The following DOCK9 variants were observed in gnomAD, a reference collection of about 807,000 sequenced individuals.
The protein encoded by DOCK9 is dedicator of cytokinesis 9, also known as dedicator of cytokinesis protein 9.
A neutral mutation model predicts 263.3 loss-of-function variants in DOCK9; 89 were observed. The ratio of observed to expected loss-of-function variants is 0.34; its 90% CI spans 0.28 to 0.40. The LOEUF (loss-of-function observed/expected upper bound fraction) is 0.40. Among genes scored for constraint, DOCK9 ranks in the 10% least tolerant of loss-of-function variants. The pLI is 1.00. For synonymous variants in DOCK9, 976 were observed against 973.1 expected (o/e 1.00, Z -0.06); for missense variants, 2,140 against 2,603.4 (o/e 0.82, Z 3.87).
intron 1 of DOCK9, among the ~76,000 whole-genome samples, chr13:99,050,194 T>C (rs1026827870): frequency 2.6e-5 from 4 of 152,174 alleles, no homozygotes; most frequent in African/African-American, 4.8e-5. Context: ...AGTTTATCTA[T>C]GTCACAGAGC....
intron 1 of DOCK9, among the ~76,000 whole-genome samples, chr13:99,028,830 A>G (rs1226193524): frequency 1.3e-5 from 2 of 152,208 alleles, no homozygotes; most frequent in East Asian, 3.8e-4. Context: ...CTGTTAGACG[A>G]AAAGAAAGTA....
At chr13:98,959,902 C>G (rs780350651) in intron 1 of DOCK9, among the ~76,000 whole-genome samples, 1 of 152,200 alleles carries the variant, frequency 6.6e-6, no homozygotes, top group Non-Finnish European at 1.5e-5. Context: ...TCACTGGTGA[C>G]AGCTGTTCAC....
chr13:98,796,163 T>C, intron 52 of DOCK9: 2 of 1,485,864 alleles, frequency 1.3e-6, no homozygotes, highest in South Asian at 2.4e-5. Context: ...TAGCTTTTTC[T>C]AAGTCAGATT....
intron 15 of DOCK9, among the ~76,000 whole-genome samples, chr13:98,895,881 G>A (rs1359496947): frequency 2.0e-5 from 3 of 152,074 alleles, no homozygotes; most frequent in African/African-American, 7.2e-5. Context: ...GGATCCAGGG[G>A]CACTCCCTGG....
At position 98,880,754 on chromosome 13, in the gene DOCK9, A is replaced by C. The variant is rs1411599089; in HGVS notation, c.2746-82T>G. On this transcript the variant is annotated intron_variant, in intron 25 of 52. Transcript: ENST00000682017. ...GCTTGAGAGACTCCCAAGAATGGAG[A>C]TCAGGGACTGAGCTACAATATCATT... 5.9e-6 allele frequency: 9 copies of C among 1,522,676 alleles called. No individual in the cohort carries two copies. In the Admixed American group the frequency reaches 1.3e-4, roughly 23 times the overall value. 94.3% of individuals were successfully genotyped at this position (1,522,676 alleles called of 1,614,324 possible).
At chr13:98,930,309 C>T in intron 2 of DOCK9, 52 bp from the exon 3 acceptor site, 1 of 1,503,318 alleles carries the variant, frequency 6.7e-7, no homozygotes, top group Non-Finnish European at 9.1e-7. Context: ...GAGGCAGGTG[C>T]CAGCCTCAGA....
intron 39 of DOCK9, among the ~76,000 whole-genome samples, chr13:98,837,276 G>A (rs2093039928): frequency 6.6e-6 from 1 of 152,150 alleles, no homozygotes; most frequent in Admixed American, 6.5e-5. Context: ...CAAGCGCGCA[G>A]CACACACTGA....
intron 1 of DOCK9, among the ~76,000 whole-genome samples, chr13:98,999,346 CTAA>C (rs1313150723): frequency 3.3e-5 from 4 of 122,614 alleles, no homozygotes; most frequent in Non-Finnish European, 7.2e-5. Flanking sequence ...TGGAAGGTGA[CTAA>C]TGAGAGGATA....
In DOCK9 at chr13:98,828,472, T is replaced by C. The variant is rs189287067; in HGVS notation, c.4965+835A>G. On this transcript the variant is annotated intron_variant, in intron 43 of 52. Coordinates refer to ENST00000682017, the MANE Select transcript of DOCK9 (RefSeq NM_001366683.2). ...TACATTAAATTTATAGTCAAAACTG[T>C]CACGTTAATGTGTACTTTTTAGCAT... Among the ~76,000 whole-genome samples, 21 of 152,356 alleles carry C rather than the reference T, an allele frequency of 1.4e-4. No homozygotes were observed. The East Asian group carries it at 4.0e-3, about 29-fold the overall frequency.
At chr13:99,073,028 G>T (rs2041750063) in intron 1 of DOCK9, among the ~76,000 whole-genome samples, 1 of 152,156 alleles carries the variant, frequency 6.6e-6, no homozygotes, top group South Asian at 2.1e-4. Context: ...ATTGGCCATA[G>T]GAGATCCAAA....
chr13:98,813,939 C>A (rs1190984073), intron 45 of DOCK9, among the ~76,000 whole-genome samples: 3 of 152,224 alleles, frequency 2.0e-5, no homozygotes, highest in Admixed American at 6.5e-5. Flanking sequence ...CTGCGCCCAG[C>A]CTTCAATTTA....
chr13:99,034,006 C>A (rs959772660), intron 1 of DOCK9, among the ~76,000 whole-genome samples: 2 of 152,150 alleles, frequency 1.3e-5, no homozygotes, highest in Non-Finnish European at 2.9e-5. Context: ...TTCAAACCAG[C>A]TGCTCCATCT....
rs11307834 is a variant in DOCK9 at position 98,976,938 on chromosome 13, G to GA, written c.126+845dup. Among the ~76,000 whole-genome samples the GA allele has an allele frequency of 2.6e-3, 392 of 150,346 alleles. 1 individual carries two copies. Among genetic ancestry groups the GA allele is most frequent in the African/African-American group, 8.6e-3 (352 of 40,962 alleles). ...ACATCAACTGAACCTCCACGTTAAAGAAAAAAAAAAATCACTAAATAAAAT... is the reference window on the plus strand; with the variant it reads ...ACATCAACTGAACCTCCACGTTAAAGAAAAAAAAAAAATCACTAAATAAAAT... On this transcript the variant is annotated intron_variant, in intron 1 of 52. Coordinates refer to ENST00000682017, the MANE Select transcript of DOCK9 (RefSeq NM_001366683.2).
At chr13:98,815,714 C>T (rs1462398325) in intron 45 of DOCK9, among the ~76,000 whole-genome samples, 1 of 152,152 alleles carries the variant, frequency 6.6e-6, no homozygotes, top group African/African-American at 2.4e-5. Flanking sequence ...ATCTCCTCAC[C>T]TTGTGATCCA....
At position 98,829,864 on chromosome 13, in the gene DOCK9, TG is replaced by T. The variant is rs1017805273; in HGVS notation, c.4636-109del. 5.8e-5 allele frequency: 52 copies of T among 897,686 alleles called. No individual in the cohort carries two copies. Among genetic ancestry groups the T allele is most frequent in the Non-Finnish European group, 8.3e-5 (47 of 564,336 alleles). The allele number at this position is 897,686 out of a possible 1,614,324, so 55.6% of individuals were successfully genotyped here. On this transcript the variant is annotated intron_variant, in intron 41 of 52. Transcript: ENST00000682017. This position sits in a 1 kb window ranked among gnomAD's most constrained non-coding sequence, Gnocchi z 4.1. ...CCTAAGGACCCAGCAAAGTGGGGGT[TG>T]GGGGGTGCTTTGAGCAGGGGTCGCT...
At chr13:99,051,864 A>AAAAAAAAAC in intron 1 of DOCK9, among the ~76,000 whole-genome samples, 1 of 150,096 alleles carries the variant, frequency 6.7e-6, no homozygotes. Flanking sequence ...GCAAAAAAAA[A>AAAAAAAAAC]AAAAAAAAAA....
At chr13:98,894,880 G>A (rs766832801) in intron 15 of DOCK9, among the ~76,000 whole-genome samples, 12 of 150,012 alleles carry the variant, frequency 8.0e-5, no homozygotes, top group African/African-American at 2.9e-4. Flanking sequence ...AAGCTGAGGC[G>A]GGCAGATTGC....
chr13:98,925,931 G>T lies in DOCK9; in HGVS notation c.334-12C>A. ...TAGGTTTTGATGCACTATTGAAGGGGGATTTTAAAAATAGAAAATAAAAAA... is the reference window on the plus strand; with the variant it reads ...TAGGTTTTGATGCACTATTGAAGGGTGATTTTAAAAATAGAAAATAAAAAA... On this transcript the variant is annotated splice_polypyrimidine_tract_variant and intron_variant, in intron 3 of 52. Coordinates refer to ENST00000682017, the MANE Select transcript of DOCK9 (RefSeq NM_001366683.2). 2 of 1,532,330 alleles carry T rather than the reference G, an allele frequency of 1.3e-6. No individual in the cohort carries two copies. The highest frequency in any genetic ancestry group is 8.8e-7 in the Non-Finnish European group (1 of 1,139,542). 94.9% of individuals were successfully genotyped at this position (1,532,330 alleles called of 1,614,324 possible).
rs1313684861 is a variant in DOCK9 at position 98,804,944 on chromosome 13, C to T, written c.5725+55G>A. The T allele has an allele frequency of 4.5e-6, 7 of 1,539,170 alleles. No individual in the cohort carries two copies. In the African/African-American group the frequency reaches 8.2e-5, roughly 18 times the overall value. On this transcript the variant is annotated intron_variant, in intron 49 of 52. Transcript: ENST00000682017. ...CCTGAAGCTTCTGAATCCCTCTGGA[C>T]AGCTCTTTGGCGAGGTGTCCGGGCT...
Sources: gnomAD v4.1 joint callset for allele counts (sites outside exome capture counted in the v4.1 genomes callset) on GRCh38, gnomAD v4.1.1 for gene constraint, Gnocchi (gnomAD v3.1) non-coding constraint, MANE v1.5 for transcripts, NCBI Gene and HGNC (gene_info 2026-07-23, HGNC 2026-07-21) for gene names.